Variants in TNFRSF10A observed in about 807,000 individuals in gnomAD.
TNFRSF10A encodes the protein TNF receptor superfamily member 10a.
Under a neutral mutation model 42.8 loss-of-function variants are expected in TNFRSF10A, and 44 were observed. That is an observed-to-expected ratio of 1.03 (90% CI 0.81 to 1.32). TNFRSF10A has a LOEUF of 1.32. Ranked by LOEUF, TNFRSF10A falls within the 40% of genes most tolerant of loss-of-function variation. TNFRSF10A has a pLI of 0.00. For synonymous variants in TNFRSF10A, 259 were observed against 234.2 expected (o/e 1.11, Z -0.97); for missense variants, 680 against 602.0 (o/e 1.13, Z -1.36).
At chr8:23,207,267 G>A in intron 2 of TNFRSF10A, 2 of 597,570 alleles carry the variant, frequency 3.3e-6, no homozygotes, top group Non-Finnish European at 6.4e-6. Flanking sequence ...TGTGGCCAAG[G>A]TTCAACACCC....
chr8:23,216,316 ATTC>A (rs1801179961), intron 1 of TNFRSF10A, among the ~76,000 whole-genome samples: 1 of 152,158 alleles, frequency 6.6e-6, no homozygotes, highest in African/African-American at 2.4e-5. Flanking sequence ...TTTTGATACC[ATTC>A]TTCTTTTAAT....
At chr8:23,195,596 A>G (rs1800812101) in intron 9 of TNFRSF10A, among the ~76,000 whole-genome samples, 1 of 152,218 alleles carries the variant, frequency 6.6e-6, no homozygotes, top group Admixed American at 6.5e-5. Flanking sequence ...GAGAGGTTCC[A>G]GCAAAGCCAA....
chr8:23,199,909 C>T lies in TNFRSF10A; in HGVS notation c.808G>A (p.Gly270Arg). Reference protein sequence around the residue: ...VCCCIGSGCGGDPKCMDRVCF... With the variant: ...VCCCIGSGCGRDPKCMDRVCF... ...ACCCTGTCCATGCACTTGGGGTCCC[C>T]TCCACAACCTAGAAGAGAAGACGGT... The change falls in exon 7 of 10, where the codon GGG becomes AGG. Residue 270 changes from glycine to arginine, a missense_variant. Gly to Arg is a moderately radical substitution (Grantham distance 125). Coordinates refer to ENST00000221132, the MANE Select transcript of TNFRSF10A (RefSeq NM_003844.4). 1.9e-6 allele frequency: 3 copies of T among 1,614,126 alleles called. No individual in the cohort carries two copies. The East Asian group carries it at 6.7e-5, about 36-fold the overall frequency.
At chr8:23,203,049 C>G (rs752318632) in intron 2 of TNFRSF10A, among the ~76,000 whole-genome samples, 8 of 152,026 alleles carry the variant, frequency 5.3e-5, no homozygotes, top group Non-Finnish European at 1.0e-4. Context: ...CTTTTTGGAC[C>G]TAAAATATCC....
At chr8:23,197,644 T>C (rs1298656426) in intron 8 of TNFRSF10A, among the ~76,000 whole-genome samples, 3 of 152,142 alleles carry the variant, frequency 2.0e-5, no homozygotes, top group Non-Finnish European at 2.9e-5. Flanking sequence ...GTGATAAGAA[T>C]AGAAATAAAG....
At chr8:23,222,244 A>G (rs915262974) in intron 1 of TNFRSF10A, among the ~76,000 whole-genome samples, 2 of 152,148 alleles carry the variant, frequency 1.3e-5, no homozygotes, top group Non-Finnish European at 1.5e-5. Context: ...ATTTAGCAAT[A>G]TCCAAACAAA....
chr8:23,197,495 A>G (rs111815687), intron 8 of TNFRSF10A, among the ~76,000 whole-genome samples: 22 of 152,272 alleles, frequency 1.4e-4, no homozygotes, highest in African/African-American at 5.3e-4. Context: ...ACTCCTTATG[A>G]GAATCTTATG....
chr8:23,207,144 G>A (rs975874750), intron 2 of TNFRSF10A: 2 of 593,452 alleles, frequency 3.4e-6, no homozygotes, highest in African/African-American at 1.8e-5. Flanking sequence ...ACTGACCACT[G>A]AGTATGCCAT....
chr8:23,207,499 A>C, intron 2 of TNFRSF10A: 1 of 345,724 alleles, frequency 2.9e-6, no homozygotes, highest in South Asian at 2.4e-5. Flanking sequence ...ATTATTCAGA[A>C]ACCCTTTTTA....
At chr8:23,205,711 C>CTTTTTTT (rs35059862) in intron 2 of TNFRSF10A, among the ~76,000 whole-genome samples, 1 of 130,854 alleles carries the variant, frequency 7.6e-6, no homozygotes, top group Non-Finnish European at 1.6e-5. Context: ...GTCTGTGTTT[C>CTTTTTTT]TTTTTTTTTT....
chr8:23,207,638 G>A (rs765493910), intron 2 of TNFRSF10A, among the ~76,000 whole-genome samples: 10 of 152,186 alleles, frequency 6.6e-5, no homozygotes, highest in Non-Finnish European at 1.5e-4. Flanking sequence ...CCAATGGGAG[G>A]TAATTGAATC....
At position 23,200,551 on chromosome 8, in the gene TNFRSF10A, C is replaced by A; in HGVS notation, c.753G>T (p.Pro251=). The A allele has an allele frequency of 6.2e-7, 1 of 1,614,228 alleles. No homozygotes were observed. Among genetic ancestry groups the A allele is most frequent in the Non-Finnish European group, 8.5e-7 (1 of 1,180,034 alleles). ...CAATCAGCACAGCCACCAACAGCAA[C>A]GGAACAACCAAAGTCACAACCAAAA... ...WVILVVTLVV[P]LLLVAVLIVC... The change falls in exon 6 of 10, where the codon CCG becomes CCT. Residue 251 remains proline (P), a synonymous_variant. Transcript: ENST00000221132.
chr8:23,199,803 G>C, intron 7 of TNFRSF10A, 83 bp downstream of exon 7: 1 of 1,593,896 alleles, frequency 6.3e-7, no homozygotes, highest in Non-Finnish European at 8.6e-7. Flanking sequence ...AGAGCACGGG[G>C]ACCCACCCAC....
chr8:23,198,851 T>C (rs1048434001), intron 8 of TNFRSF10A, among the ~76,000 whole-genome samples: 5 of 152,224 alleles, frequency 3.3e-5, no homozygotes, highest in African/African-American at 1.2e-4. Context: ...GAATCCTCCA[T>C]ACAACCATAT....
Position 23,191,282 on chromosome 8 carries a change from C to T in TNFRSF10A, c.*412G>A, listed in dbSNP as rs1800749328. ...CCAGATTTTCCTTTGGCATGTGAGC[C>T]TCAGTCGGGCAATAATTCTTTCAAG... On this transcript the variant is annotated 3_prime_UTR_variant, in exon 10 of 10. Coordinates refer to ENST00000221132, the MANE Select transcript of TNFRSF10A (RefSeq NM_003844.4). 1 of 178,066 alleles carries T rather than the reference C, an allele frequency of 5.6e-6. No individual in the cohort carries two copies. The highest frequency in any genetic ancestry group is 2.4e-5 in the African/African-American group (1 of 42,126). The allele number at this position is 178,066 out of a possible 1,614,324, so 11.0% of individuals were successfully genotyped here.
chr8:23,196,342 C>T (rs180924068), intron 9 of TNFRSF10A, among the ~76,000 whole-genome samples: 3 of 151,804 alleles, frequency 2.0e-5, no homozygotes, highest in South Asian at 2.1e-4. Context: ...TACAGGCGCC[C>T]GCCAATACGC....
intron 4 of TNFRSF10A, among the ~76,000 whole-genome samples, chr8:23,201,563 G>C (rs569853762): frequency 6.2e-4 from 95 of 152,188 alleles, no homozygotes; most frequent in Non-Finnish European, 1.2e-3. Context: ...TGGCCAAGGG[G>C]ACTAGTGCTG....
intron 1 of TNFRSF10A, among the ~76,000 whole-genome samples, chr8:23,219,434 A>C (rs1160299433): frequency 6.9e-6 from 1 of 145,494 alleles, no homozygotes; most frequent in East Asian, 2.5e-4. Context: ...TGCAGGGCAG[A>C]GATGTGGAGA....
intron 9 of TNFRSF10A, among the ~76,000 whole-genome samples, chr8:23,195,467 CTA>C (rs1276557216): frequency 6.6e-6 from 1 of 152,216 alleles, no homozygotes; most frequent in African/African-American, 2.4e-5. Flanking sequence ...TTATTTGTGA[CTA>C]TTAATTCATG....
Sources: gnomAD v4.1 joint callset for allele counts (sites outside exome capture counted in the v4.1 genomes callset) on GRCh38, gnomAD v4.1.1 for gene constraint, MANE v1.5 for transcripts, NCBI Gene and HGNC (gene_info 2026-07-23, HGNC 2026-07-21) for gene names.